The following SPIB variants were observed in gnomAD, a reference collection of about 807,000 sequenced individuals.
SPIB encodes the protein transcription factor Spi-B.
Under a neutral mutation model 31.9 loss-of-function variants are expected in SPIB, and 7 were observed. The observed-to-expected ratio is 0.22, with a 90% CI of 0.12 to 0.41. The LOEUF (loss-of-function observed/expected upper bound fraction) is 0.41, where lower values mean the gene tolerates loss of function less well. Ranked by LOEUF, SPIB falls within the 10% of genes least tolerant of loss-of-function variation. The probability of loss-of-function intolerance (pLI) is 1.00; values close to 1 mark genes in which losing one functional copy is unlikely to be tolerated. For missense variants in SPIB, 327 were observed against 360.2 expected (o/e 0.91, Z 0.75); for synonymous variants, 176 against 158.9 (o/e 1.11, Z -0.81).
intron 5 of SPIB, among the ~76,000 whole-genome samples, chr19:50,427,351 C>G (rs1211348917): frequency 1.3e-5 from 2 of 152,114 alleles, no homozygotes; most frequent in Non-Finnish European, 2.9e-5. Context: ...ATGGCGAAAC[C>G]CCGTCTCTAC....
chr19:50,426,007 A>G (rs1210045866), intron 5 of SPIB, among the ~76,000 whole-genome samples: 3 of 152,088 alleles, frequency 2.0e-5, no homozygotes, highest in Non-Finnish European at 4.4e-5. Context: ...TCAGGAGTTC[A>G]AGACCAGCCT....
intron 2 of SPIB, among the ~76,000 whole-genome samples, chr19:50,420,670 C>T (rs2039483695): frequency 6.6e-6 from 1 of 152,206 alleles, no homozygotes; most frequent in Non-Finnish European, 1.5e-5. Context: ...CTCTGTCACC[C>T]AGGCTGGAGT....
intron 5 of SPIB, among the ~76,000 whole-genome samples, chr19:50,425,013 A>T (rs66579172): frequency 0.25 from 37,191 of 151,550 alleles, 4,710 homozygotes; most frequent in Admixed American, 0.27. Context: ...TTAATTAATT[A>T]ATTTATTTTT....
At chr19:50,423,581 G>C in intron 4 of SPIB, 24 bp from the exon 5 acceptor site, 1 of 1,607,250 alleles carries the variant, frequency 6.2e-7, no homozygotes, top group East Asian at 2.2e-5. Flanking sequence ...CCCTGGACAT[G>C]CAGGTGACCC....
At chr19:50,424,742 C>T (rs1471586567) in intron 5 of SPIB, among the ~76,000 whole-genome samples, 1 of 151,676 alleles carries the variant, frequency 6.6e-6, no homozygotes, top group East Asian at 2.0e-4. Context: ...GATCTTGCCA[C>T]TGCAGTCCAG....
chr19:50,428,178 C>A lies in SPIB; in HGVS notation c.631C>A (p.Arg211Ser). ...CAAGCACAAGGAACTCCTGGCGCGC[C>A]GCTGGGGCCAGCAGAAGGGGAACCG... Reference protein sequence around the residue: ...SSKHKELLARRWGQQKGNRKR... With the variant: ...SSKHKELLARSWGQQKGNRKR... The change falls in exon 6 of 6, where the codon CGC (arginine) becomes AGC (serine). Residue 211 changes from arginine (R) to serine (S), a missense_variant. Transcript: ENST00000595883. This position sits in a 1 kb window ranked among gnomAD's most constrained non-coding sequence, Gnocchi z 6.5. 1 of 1,590,566 alleles carries A rather than the reference C, an allele frequency of 6.3e-7. No homozygotes were observed. The highest frequency in any genetic ancestry group is 1.1e-5 in the South Asian group (1 of 87,518).
At chr19:50,421,451 T>C (rs906369257) in intron 2 of SPIB, among the ~76,000 whole-genome samples, 1 of 151,846 alleles carries the variant, frequency 6.6e-6, no homozygotes, top group Non-Finnish European at 1.5e-5. Flanking sequence ...GCCTCCCAAG[T>C]AGCTGGGACT....
intron 5 of SPIB, among the ~76,000 whole-genome samples, chr19:50,425,406 C>T (rs2122552700): frequency 6.6e-6 from 1 of 152,224 alleles, no homozygotes; most frequent in Middle Eastern, 3.4e-3. Flanking sequence ...TCTCCAATGA[C>T]TAGGAAAGAC....
chr19:50,428,276 C>G lies in SPIB; in HGVS notation c.729C>G (p.Val243=), dbSNP rs2039595877. 6.4e-7 allele frequency: 1 copy of G among 1,551,772 alleles called. No individual in the cohort carries two copies. ...NYAKTGEIRK[V]KRKLTYQFDS... ...CCAAGACCGGCGAGATCCGCAAGGT[C>G]AAGCGCAAGCTCACCTACCAGTTCG... is the stretch of plus-strand genomic sequence containing the variant. Residue 243 remains valine, a synonymous_variant, in exon 6 of 6, where the codon GTC becomes GTG. Transcript: ENST00000595883. The surrounding 1 kb of genome is among the most constrained non-coding windows in gnomAD (Gnocchi z 6.5).
In SPIB at chr19:50,425,017, T is replaced by A. The variant is rs562500571; in HGVS notation, c.490+1262T>A. Among the ~76,000 whole-genome samples the A allele has an allele frequency of 7.2e-5, 11 of 152,012 alleles. No individual in the cohort carries two copies. In the South Asian group the frequency reaches 1.0e-3, roughly 14 times the overall value. On this transcript the variant is annotated intron_variant, in intron 5 of 5. Transcript: ENST00000595883. The stretch of plus-strand genomic sequence containing the variant: ...AAAAATTTTAATTAATTAATTAATT[T>A]ATTTTTTGAGACAGAGTCTCGCTCT...
chr19:50,424,995 A>C lies in SPIB; in HGVS notation c.490+1240A>C, dbSNP rs534489600. On this transcript the variant is annotated intron_variant, in intron 5 of 5. Transcript: ENST00000595883. ...AACAAAACCACAGCCTCATTTAAAA[A>C]ATTTTAATTAATTAATTAATTTATT... Among the ~76,000 whole-genome samples the C allele has an allele frequency of 6.6e-5, 10 of 151,902 alleles. No homozygotes were observed. In the South Asian group the frequency reaches 2.1e-3, roughly 32 times the overall value.
Position 50,419,763 on chromosome 19 carries a change from C to A in SPIB, c.24-183C>A. 9 of 509,452 alleles carry A rather than the reference C, an allele frequency of 1.8e-5. No homozygotes were observed. In the South Asian group the frequency reaches 2.9e-4, roughly 17 times the overall value. 31.6% of individuals were successfully genotyped at this position (509,452 alleles called of 1,614,324 possible). ...AGGAGGGGGACATTTGCCTCCCCCC[C>A]ACCCCCCACTTCCTGTCCCAGCAGG... On this transcript the variant is annotated intron_variant, in intron 1 of 5. Coordinates refer to ENST00000595883, the MANE Select transcript of SPIB (RefSeq NM_003121.5).
At position 50,431,023 on chromosome 19, in the gene SPIB, G is replaced by A. The variant is rs2039635058; in HGVS notation, c.*2687G>A. ...AGCTATCATTGTCACCCTAAATGTGGAATAAAATAAGATGCATCGACGTAG... is the reference window on the plus strand; with the variant it reads ...AGCTATCATTGTCACCCTAAATGTGAAATAAAATAAGATGCATCGACGTAG... On this transcript the variant is annotated 3_prime_UTR_variant, in exon 6 of 6. Coordinates refer to ENST00000595883, the MANE Select transcript of SPIB (RefSeq NM_003121.5). 2 of 152,224 alleles carry A rather than the reference G, an allele frequency of 1.3e-5. No individual in the cohort carries two copies. The highest frequency in any genetic ancestry group is 4.8e-5 in the African/African-American group (2 of 41,452). 9.4% of individuals were successfully genotyped at this position (152,224 alleles called of 1,614,324 possible). A position where few individuals can be genotyped will look rare whatever the true frequency, so the allele number is the denominator to read the frequency against.
Position 50,428,642 on chromosome 19 carries a change from C to G in SPIB, c.*306C>G, listed in dbSNP as rs1463723260. 1 of 370,590 alleles carries G rather than the reference C, an allele frequency of 2.7e-6. No individual in the cohort carries two copies. The highest frequency in any genetic ancestry group is 2.1e-5 in the African/African-American group (1 of 48,070). The allele number at this position is 370,590 out of a possible 1,614,324, so 23.0% of individuals were successfully genotyped here. ...TCGGGGAGGCAGGGTAGCAGTTCTT[C>G]CAGAATCCCAAGAGCTTCTCTGGGA... On this transcript the variant is annotated 3_prime_UTR_variant, in exon 6 of 6. Coordinates refer to ENST00000595883, the MANE Select transcript of SPIB (RefSeq NM_003121.5). The surrounding 1 kb of genome is among the most constrained non-coding windows in gnomAD (Gnocchi z 6.5).
At chr19:50,424,153 C>A (rs1173168768) in intron 5 of SPIB, among the ~76,000 whole-genome samples, 6 of 152,180 alleles carry the variant, frequency 3.9e-5, no homozygotes, top group African/African-American at 1.4e-4. Context: ...CCCGTGTGCC[C>A]AACATCCTTT....
chr19:50,420,020 C>G, intron 2 of SPIB, 47 bp downstream of exon 2: 2 of 1,406,308 alleles, frequency 1.4e-6, no homozygotes, highest in Non-Finnish European at 1.9e-6. Flanking sequence ...CCACAGTGAC[C>G]TCCCTCAGAG....
chr19:50,426,945 C>T (rs2039572152), intron 5 of SPIB, among the ~76,000 whole-genome samples: 1 of 150,884 alleles, frequency 6.6e-6, no homozygotes, highest in African/African-American at 2.4e-5. Context: ...GCCTGGGCAA[C>T]ATAGTAAGAC....
intron 1 of SPIB, 100 bp from the exon 2 acceptor site, chr19:50,419,846 T>C (rs1178982336): frequency 1.4e-5 from 18 of 1,257,838 alleles, no homozygotes; most frequent in Non-Finnish European, 1.6e-5. Flanking sequence ...AGGGCTGCGG[T>C]GGTCACAGCT....
chr19:50,426,547 G>A (rs1250233909), intron 5 of SPIB, among the ~76,000 whole-genome samples: 1 of 152,100 alleles, frequency 6.6e-6, no homozygotes, highest in Non-Finnish European at 1.5e-5. Flanking sequence ...CAGGCTGAGT[G>A]CAATGATATG....
Sources: gnomAD v4.1 joint callset for allele counts (sites outside exome capture counted in the v4.1 genomes callset) on GRCh38, gnomAD v4.1.1 for gene constraint, Gnocchi (gnomAD v3.1) non-coding constraint, MANE v1.5 for transcripts, NCBI Gene and HGNC (gene_info 2026-07-23, HGNC 2026-07-21) for gene names.